VPS41: variants seen among roughly 807,000 people sequenced by gnomAD.
The protein encoded by VPS41 is VPS41 subunit of HOPS complex.
In VPS41, 85 loss-of-function variants were observed where a neutral mutation model predicts 130.9. The ratio of observed to expected loss-of-function variants is 0.65; its 90% CI spans 0.55 to 0.78. The LOEUF is 0.78. Among genes scored for constraint, VPS41 ranks in the 30% least tolerant of loss-of-function variants. VPS41 has a pLI of 0.00. For synonymous variants in VPS41, 335 were observed against 332.9 expected (o/e 1.01, Z -0.07); for missense variants, 874 against 1,018.7 (o/e 0.86, Z 1.93).
chr7:38,855,336 T>G (rs991371260), intron 4 of VPS41, among the ~76,000 whole-genome samples: 4 of 152,156 alleles, frequency 2.6e-5, no homozygotes, highest in African/African-American at 9.7e-5. Context: ...GATCATTTCT[T>G]TTGCTGAAAC....
At chr7:38,819,538 A>T (rs1029624206) in intron 6 of VPS41, among the ~76,000 whole-genome samples, 1 of 151,946 alleles carries the variant, frequency 6.6e-6, no homozygotes, top group Non-Finnish European at 1.5e-5. Context: ...ATGTATAGTG[A>T]CCCTCCTGCT....
chr7:38,869,348 C>G, intron 2 of VPS41, 95 bp from the exon 3 acceptor site: 1 of 772,628 alleles, frequency 1.3e-6, no homozygotes, highest in Non-Finnish European at 2.1e-6. Context: ...AGAGATGGTT[C>G]CTTCAATGAT....
intron 2 of VPS41, among the ~76,000 whole-genome samples, chr7:38,896,255 CTTAG>C (rs1157277315): frequency 6.6e-6 from 1 of 152,190 alleles, no homozygotes; most frequent in Non-Finnish European, 1.5e-5. Context: ...ACACTGGAAT[CTTAG>C]TTAATTAGAG....
Position 38,761,336 on chromosome 7 carries a change from C to T in VPS41, c.1422+2119G>A, listed in dbSNP as rs1417346837. 3.1e-5 allele frequency among the ~76,000 whole-genome samples: 4 copies of T among 128,422 alleles called. 1 individual carries two copies. Among genetic ancestry groups the T allele is most frequent in the South Asian group, 5.2e-4 (2 of 3,878 alleles). The allele number at this position is 128,422 out of a possible 152,430, so 84.2% of individuals were successfully genotyped here. The stretch of plus-strand genomic sequence containing the variant: ...TGTCGCCCAGGCTGGAGTTCAGTGG[C>T]GCTATCTTGGCTCACTGCAACCTCC... On this transcript the variant is annotated intron_variant, in intron 17 of 28. Coordinates refer to ENST00000310301, the MANE Select transcript of VPS41 (RefSeq NM_014396.4).
intron 4 of VPS41, among the ~76,000 whole-genome samples, chr7:38,842,030 C>A (rs894284002): frequency 6.6e-6 from 1 of 152,200 alleles, no homozygotes; most frequent in Non-Finnish European, 1.5e-5. Context: ...TCAACAACTA[C>A]TCTACAGCTC....
Position 38,801,826 on chromosome 7 carries a change from TC to T in VPS41, c.451-4963del, listed in dbSNP as rs1169877835. The stretch of plus-strand genomic sequence containing the variant: ...AGTCTACTAGTCTTAATTCTTTCCT[TC>T]TCTGACCATACACACAATGCGTTTG... On this transcript the variant is annotated intron_variant, in intron 7 of 28. Coordinates refer to ENST00000310301, the MANE Select transcript of VPS41 (RefSeq NM_014396.4). Among the ~76,000 whole-genome samples, 3 of 152,208 alleles carry T rather than the reference TC, an allele frequency of 2.0e-5. No individual in the cohort carries two copies. The East Asian group carries it at 5.8e-4, about 29-fold the overall frequency.
intron 6 of VPS41, among the ~76,000 whole-genome samples, chr7:38,818,787 C>T (rs1785111192): frequency 6.6e-6 from 1 of 152,196 alleles, no homozygotes; most frequent in South Asian, 2.1e-4. Context: ...GGTAAACACA[C>T]ACACAAAATC....
intron 17 of VPS41, among the ~76,000 whole-genome samples, chr7:38,760,145 C>T (rs1251086773): frequency 2.0e-5 from 3 of 152,230 alleles, no homozygotes; most frequent in East Asian, 3.9e-4. Flanking sequence ...CCCTGATTCC[C>T]GACTTTAGAC....
At chr7:38,763,291 C>T (rs899217499) in intron 17 of VPS41, among the ~76,000 whole-genome samples, 164 bp downstream of exon 17, 1 of 152,174 alleles carries the variant, frequency 6.6e-6, no homozygotes, top group Non-Finnish European at 1.5e-5. Context: ...TCACTGTCTA[C>T]ATAAACATGA....
intron 25 of VPS41, among the ~76,000 whole-genome samples, chr7:38,737,479 C>A (rs141458964): frequency 9.5e-4 from 145 of 152,262 alleles, no homozygotes; most frequent in African/African-American, 3.4e-3. Flanking sequence ...GCAAGCATTA[C>A]CCATGAAAAG....
intron 7 of VPS41, among the ~76,000 whole-genome samples, chr7:38,809,955 GATTT>G (rs1784911202): frequency 6.6e-6 from 1 of 152,026 alleles, no homozygotes; most frequent in Admixed American, 6.6e-5. Context: ...TCACTTGACA[GATTT>G]ATTTCTAAAA....
chr7:38,756,110 G>T (rs746505973), intron 19 of VPS41, among the ~76,000 whole-genome samples: 2 of 151,654 alleles, frequency 1.3e-5, no homozygotes, highest in African/African-American at 2.4e-5. Flanking sequence ...GAGCCTTTAG[G>T]GTTCTACTTT....
chr7:38,769,405 A>AG (rs1293415799), intron 14 of VPS41, among the ~76,000 whole-genome samples: 3 of 152,228 alleles, frequency 2.0e-5, no homozygotes, highest in African/African-American at 7.2e-5. Flanking sequence ...GAGTATAAAC[A>AG]GGTTACAGTC....
chr7:38,826,439 G>C (rs555527941), intron 5 of VPS41, among the ~76,000 whole-genome samples: 1 of 152,050 alleles, frequency 6.6e-6, no homozygotes, highest in Non-Finnish European at 1.5e-5. Flanking sequence ...AGAAACCAAA[G>C]AAAAAACTAG....
chr7:38,742,882 GCAAA>G (rs1795911091), intron 24 of VPS41, among the ~76,000 whole-genome samples: 1 of 151,868 alleles, frequency 6.6e-6, no homozygotes, highest in South Asian at 2.1e-4. Flanking sequence ...GAGACCCAAT[GCAAA>G]CAGTCAAGCT....
intron 10 of VPS41, among the ~76,000 whole-genome samples, chr7:38,780,477 G>A (rs577149763): frequency 6.6e-6 from 1 of 152,172 alleles, no homozygotes; most frequent in Non-Finnish European, 1.5e-5. Context: ...CAAGAAAAAA[G>A]ACAGAGATTC....
intron 17 of VPS41, among the ~76,000 whole-genome samples, chr7:38,761,595 T>C (rs1373618583): frequency 8.9e-5 from 8 of 90,308 alleles, no homozygotes; most frequent in African/African-American, 2.2e-4. Flanking sequence ...ACACAGCCTC[T>C]TTCTTTCTTT....
chr7:38,852,146 C>G (rs1363743489), intron 4 of VPS41, among the ~76,000 whole-genome samples: 2 of 152,090 alleles, frequency 1.3e-5, no homozygotes, highest in Non-Finnish European at 2.9e-5. Flanking sequence ...CCAGATGAAC[C>G]AAGCATGCAA....
At chr7:38,787,186 G>A (rs548286027) in intron 10 of VPS41, among the ~76,000 whole-genome samples, 4 of 152,182 alleles carry the variant, frequency 2.6e-5, no homozygotes, top group African/African-American at 9.6e-5. Context: ...AGACCAAGAA[G>A]TCAATCATTA....
Sources: allele counts gnomAD v4.1 joint callset (sites outside exome capture counted in the v4.1 genomes callset), GRCh38; gene constraint gnomAD v4.1.1; transcripts MANE v1.5; gene names NCBI Gene and HGNC (gene_info 2026-07-23, HGNC 2026-07-21).